The following GPHN variants were observed in gnomAD, a reference collection of about 807,000 sequenced individuals.
GPHN encodes the protein gephyrin.
A neutral mutation model predicts 95.5 loss-of-function variants in GPHN; 17 were observed. That is an observed-to-expected ratio of 0.18 (90% CI 0.12 to 0.27). GPHN has a LOEUF of 0.27. Ranked by LOEUF, GPHN falls within the 10% of genes least tolerant of loss-of-function variation. The probability of loss-of-function intolerance (pLI) is 1.00; values close to 1 mark genes in which losing one functional copy is unlikely to be tolerated. For missense variants in GPHN, 660 were observed against 978.1 expected, an observed-to-expected ratio of 0.67 and a Z score of 4.34; for synonymous variants, 320 against 322.5, an observed-to-expected ratio of 0.99 and a Z score of 0.08.
At position 66,508,199 on chromosome 14, in the gene GPHN, G is replaced by C. The variant is rs1038423001; in HGVS notation, c.-329G>C. The C allele has an allele frequency of 7.9e-6, 4 of 505,024 alleles. No individual in the cohort carries two copies. Among genetic ancestry groups the C allele is most frequent in the South Asian group, 2.0e-5 (1 of 48,904 alleles). The allele number at this position is 505,024 out of a possible 1,614,324, so 31.3% of individuals were successfully genotyped here. ...TGCCTTGGGTCTCGCGCTCCGCAGA[G>C]CGTTCCGACACTCTCCGGCCTCGTT... On this transcript the variant is annotated 5_prime_UTR_variant, in exon 1 of 23. Transcript: ENST00000478722.
intron 1 of GPHN, among the ~76,000 whole-genome samples, chr14:66,586,483 T>G (rs1382786076): frequency 6.6e-6 from 1 of 152,096 alleles, no homozygotes; most frequent in Non-Finnish European, 1.5e-5. Flanking sequence ...TTCCTAGCCT[T>G]GATGGTCTTT....
Position 67,009,912 on chromosome 14 carries a change from C to G in GPHN, c.964-13721C>G, listed in dbSNP as rs571210721. Reference sequence around the variant, plus strand: ...TAGCTGAGATTATAGGCGCACACCACTGTATCTGGCTAATTTTTGTATTTT... The same window carrying G: ...TAGCTGAGATTATAGGCGCACACCAGTGTATCTGGCTAATTTTTGTATTTT... On this transcript the variant is annotated intron_variant, in intron 9 of 22. Coordinates refer to ENST00000478722, the MANE Select transcript of GPHN (RefSeq NM_020806.5). Among the ~76,000 whole-genome samples the G allele has an allele frequency of 2.6e-5, 4 of 151,950 alleles. No homozygotes were observed. In the South Asian group the frequency reaches 6.3e-4, roughly 24 times the overall value.
the GPHN span, among the ~76,000 whole-genome samples, chr14:67,341,067 C>T: frequency 5.9e-5 from 9 of 152,200 alleles, no homozygotes; most frequent in Non-Finnish European, 1.0e-4. Flanking sequence ...CCCAAAGTGC[C>T]GAGATTGCAG....
At chr14:67,195,880 T>A in the GPHN span, among the ~76,000 whole-genome samples, 3 of 151,842 alleles carry the variant, frequency 2.0e-5, no homozygotes, top group Non-Finnish European at 2.9e-5. Context: ...AGTGGGCCTA[T>A]ATTGAGAGAC....
At chr14:67,045,735 CTCTG>C (rs2074984171) in intron 10 of GPHN, among the ~76,000 whole-genome samples, 1 of 151,640 alleles carries the variant, frequency 6.6e-6, no homozygotes, top group East Asian at 1.9e-4. Flanking sequence ...GTCTCTCTCT[CTCTG>C]TCCATCTCTC....
intron 1 of GPHN, among the ~76,000 whole-genome samples, chr14:66,573,492 G>C (rs2060780450): frequency 7.6e-6 from 1 of 131,840 alleles, no homozygotes; most frequent in African/African-American, 2.8e-5. Context: ...TCGCTCTGTT[G>C]CCCAGGCTGG....
At chr14:66,915,099 T>C (rs143177757) in intron 5 of GPHN, among the ~76,000 whole-genome samples, 74 of 152,184 alleles carry the variant, frequency 4.9e-4, no homozygotes, top group African/African-American at 1.7e-3. Context: ...CTCTTTCAGA[T>C]TGTAAGTAGG....
chr14:66,658,320 G>A (rs1238415556), intron 1 of GPHN, among the ~76,000 whole-genome samples: 2 of 152,116 alleles, frequency 1.3e-5, no homozygotes, highest in African/African-American at 2.4e-5. Context: ...TGAAGATGCT[G>A]TGAATATTAT....
the GPHN span, among the ~76,000 whole-genome samples, chr14:67,340,899 CT>C: frequency 6.6e-6 from 1 of 152,250 alleles, no homozygotes; most frequent in Non-Finnish European, 1.5e-5. Flanking sequence ...TGGTCTCCAG[CT>C]CCTAACTGCG....
At chr14:66,950,560 G>C (rs939863360) in intron 8 of GPHN, among the ~76,000 whole-genome samples, 1 of 152,102 alleles carries the variant, frequency 6.6e-6, no homozygotes. Flanking sequence ...GTTAGTGGCT[G>C]CTTCTACTTC....
At chr14:67,247,114 C>T in the GPHN span, among the ~76,000 whole-genome samples, 1 of 152,142 alleles carries the variant, frequency 6.6e-6, no homozygotes, top group East Asian at 1.9e-4. Context: ...GAGATTGTGT[C>T]TAATTTAGAG....
At chr14:67,520,037 T>C in the GPHN span, among the ~76,000 whole-genome samples, 11 of 152,118 alleles carry the variant, frequency 7.2e-5, no homozygotes, top group Non-Finnish European at 1.3e-4. Context: ...CTTTATTTTT[T>C]ACAGTGGTTT....
chr14:67,587,514 A>G, the GPHN span: 1 of 457,364 alleles, frequency 2.2e-6, no homozygotes, highest in African/African-American at 2.0e-5. Context: ...ATAGACAGGG[A>G]TGATCCACTG....
the GPHN span, among the ~76,000 whole-genome samples, chr14:67,193,352 A>ATC: frequency 3.7e-5 from 5 of 133,624 alleles, no homozygotes; most frequent in African/African-American, 1.3e-4. Flanking sequence ...CTATCTATAT[A>ATC]GAGATATATA....
the GPHN span, chr14:67,337,631 C>G: frequency 6.6e-6 from 1 of 152,194 alleles, no homozygotes; most frequent in East Asian, 1.9e-4. Context: ...CATGGCTAAT[C>G]ATGTCAAAAA....
the GPHN span, among the ~76,000 whole-genome samples, chr14:67,392,018 T>G: frequency 6.6e-6 from 1 of 152,312 alleles, no homozygotes; most frequent in East Asian, 1.9e-4. Context: ...AGCAAAAGCT[T>G]CCAAGACAAA....
chr14:66,651,058 A>T (rs1217336015), intron 1 of GPHN, among the ~76,000 whole-genome samples: 1 of 152,190 alleles, frequency 6.6e-6, no homozygotes, highest in Admixed American at 6.5e-5. Context: ...GAGCACACAC[A>T]TCTTCTCTAA....
chr14:67,654,086 A>C, the GPHN span, among the ~76,000 whole-genome samples: 2 of 152,128 alleles, frequency 1.3e-5, no homozygotes, highest in Non-Finnish European at 2.9e-5. Context: ...GGCCTTGGTA[A>C]GCTGACCTCT....
chr14:67,369,954 C>T, the GPHN span, among the ~76,000 whole-genome samples: 1 of 152,190 alleles, frequency 6.6e-6, no homozygotes, highest in African/African-American at 2.4e-5. Context: ...TCACAGCCTT[C>T]AGAGCTGAGA....
Sources: allele counts gnomAD v4.1 joint callset (sites outside exome capture counted in the v4.1 genomes callset), GRCh38; gene constraint gnomAD v4.1.1; transcripts MANE v1.5; gene names NCBI Gene and HGNC (gene_info 2026-07-23, HGNC 2026-07-21).